The following GBE1 variants were observed in gnomAD, a reference collection of about 807,000 sequenced individuals.
The protein encoded by GBE1 is 1,4-alpha-glucan-branching enzyme.
Under a neutral mutation model 88.8 loss-of-function variants are expected in GBE1, and 70 were observed. The ratio of observed to expected loss-of-function variants is 0.79; its 90% CI spans 0.65 to 0.96. GBE1 has a LOEUF of 0.96. GBE1 is among the 40% of genes least tolerant of loss of function. The probability of loss-of-function intolerance (pLI) is 0.00; values close to 1 mark genes in which losing one functional copy is unlikely to be tolerated. For missense variants in GBE1, 872 were observed against 871.0 expected, an observed-to-expected ratio of 1.00 and a Z score of -0.01; for synonymous variants, 284 against 300.1, an observed-to-expected ratio of 0.95 and a Z score of 0.56.
chr3:81,513,089 A>G (rs1702747310), intron 14 of GBE1, among the ~76,000 whole-genome samples: 1 of 151,680 alleles, frequency 6.6e-6, no homozygotes, highest in Non-Finnish European at 1.5e-5. Context: ...TGCTTGGTGA[A>G]TAGGGCATAG....
chr3:81,694,676 T>C (rs983944474), intron 2 of GBE1, among the ~76,000 whole-genome samples: 1 of 152,098 alleles, frequency 6.6e-6, no homozygotes, highest in African/African-American at 2.4e-5. Flanking sequence ...AATATTGAAT[T>C]TGGTAAGAGC....
At chr3:81,703,633 TAC>T (rs1705733041) in intron 2 of GBE1, among the ~76,000 whole-genome samples, 1 of 152,022 alleles carries the variant, frequency 6.6e-6, no homozygotes, top group South Asian at 2.1e-4. Flanking sequence ...TATATGAACA[TAC>T]TTTTAAACTG....
chr3:81,596,866 G>A (rs1703963519), intron 7 of GBE1, among the ~76,000 whole-genome samples: 1 of 151,924 alleles, frequency 6.6e-6, no homozygotes, highest in South Asian at 2.1e-4. Flanking sequence ...TCTAAGATTT[G>A]TCTTTGAAAT....
intron 14 of GBE1, among the ~76,000 whole-genome samples, chr3:81,506,031 G>A (rs764283200): frequency 1.3e-5 from 2 of 151,948 alleles, no homozygotes; most frequent in South Asian, 2.1e-4. Context: ...ATTTCATGAC[G>A]AAGACACTAA....
intron 3 of GBE1, among the ~76,000 whole-genome samples, chr3:81,655,542 GT>G (rs1486363649): frequency 4.5e-4 from 68 of 151,998 alleles, no homozygotes; most frequent in African/African-American, 1.6e-3. Context: ...TTGTTATGGA[GT>G]TTTACTCTTG....
intron 14 of GBE1, among the ~76,000 whole-genome samples, chr3:81,499,800 T>G (rs982498821): frequency 1.5e-4 from 23 of 152,160 alleles, no homozygotes; most frequent in African/African-American, 5.3e-4. Context: ...TTTTTCACAA[T>G]AAGTTGTTAG....
intron 3 of GBE1, among the ~76,000 whole-genome samples, chr3:81,667,462 G>A (rs148206763): frequency 2.6e-5 from 4 of 152,024 alleles, no homozygotes; most frequent in Admixed American, 1.3e-4. Context: ...GATTGCCCTG[G>A]CCAGAAGTTC....
Position 81,535,197 on chromosome 3 carries a change from C to T in GBE1, c.1932G>A (p.Gly644=), listed in dbSNP as rs544906178. The T allele has an allele frequency of 2.4e-5, 39 of 1,607,542 alleles. No homozygotes were observed. Among genetic ancestry groups the T allele is most frequent in the Non-Finnish European group, 3.3e-5 (39 of 1,177,284 alleles). Residue 644 remains glycine, a splice_region_variant and synonymous_variant, in exon 14 of 16, where the codon GGG becomes GGA. Transcript: ENST00000429644. The part of the protein sequence containing the change: ...TDYRVGTALP[G]KFKIVLDSDA... The stretch of plus-strand genomic sequence containing the variant: ...TTCACTGGTAACAAAAAGGATATTT[C>T]CCTGGCAATGCTGTTCCAACTCGGT...
At chr3:81,513,319 G>C (rs931261959) in intron 14 of GBE1, among the ~76,000 whole-genome samples, 2 of 151,714 alleles carry the variant, frequency 1.3e-5, no homozygotes, top group Non-Finnish European at 2.9e-5. Context: ...GTACAAGAGT[G>C]AGGAAGAGAT....
chr3:81,741,064 G>T (rs1706343312), intron 1 of GBE1, among the ~76,000 whole-genome samples: 1 of 152,048 alleles, frequency 6.6e-6, no homozygotes, highest in Non-Finnish European at 1.5e-5. Context: ...TATTTCCTGG[G>T]TTATAATTGA....
intron 12 of GBE1, among the ~76,000 whole-genome samples, chr3:81,571,021 T>A (rs1703566849): frequency 6.6e-6 from 1 of 152,156 alleles, no homozygotes; most frequent in Non-Finnish European, 1.5e-5. Flanking sequence ...ACTCAGGATC[T>A]AAAGTCTTCT....
At chr3:81,656,011 C>T (rs890032467) in intron 3 of GBE1, among the ~76,000 whole-genome samples, 3 of 152,102 alleles carry the variant, frequency 2.0e-5, no homozygotes, top group Admixed American at 6.5e-5. Flanking sequence ...AAAACAGGAC[C>T]TATTTGTATA....
intron 15 of GBE1, among the ~76,000 whole-genome samples, chr3:81,492,647 TTC>T (rs1477716488): frequency 6.6e-6 from 1 of 151,880 alleles, no homozygotes; most frequent in Non-Finnish European, 1.5e-5. Flanking sequence ...CTTCCTTTCT[TTC>T]TTTTTCTTTC....
intron 2 of GBE1, among the ~76,000 whole-genome samples, chr3:81,698,332 TG>T (rs1705633737): frequency 6.6e-6 from 1 of 152,076 alleles, no homozygotes; most frequent in South Asian, 2.1e-4. Flanking sequence ...TCGCCCATCT[TG>T]TCACATAAAA....
At chr3:81,575,360 A>G (rs2106930031) in intron 12 of GBE1, among the ~76,000 whole-genome samples, 1 of 152,304 alleles carries the variant, frequency 6.6e-6, no homozygotes, top group East Asian at 1.9e-4. Flanking sequence ...AGCTATAACC[A>G]GAGTGAAAGA....
At chr3:81,711,855 G>A (rs200130014) in intron 1 of GBE1, among the ~76,000 whole-genome samples, 6,274 of 151,786 alleles carry the variant, frequency 0.041, 436 homozygotes, top group East Asian at 0.34. Context: ...AACTACCATT[G>A]AAGTGAACAG....
chr3:81,570,690 T>C (rs1703562626), intron 12 of GBE1, among the ~76,000 whole-genome samples: 3 of 152,154 alleles, frequency 2.0e-5, no homozygotes, highest in Admixed American at 1.3e-4. Context: ...TCATAAAGGA[T>C]GTTATAGGCC....
At position 81,599,827 on chromosome 3, in the gene GBE1, T is replaced by C. The variant is rs574896247; in HGVS notation, c.993-5804A>G. On this transcript the variant is annotated intron_variant, in intron 7 of 15. Coordinates refer to ENST00000429644, the MANE Select transcript of GBE1 (RefSeq NM_000158.4). The stretch of plus-strand genomic sequence containing the variant: ...GGCAGTGACTTGAACATAGGTAATA[T>C]ACATCATGACAAATGTCATATTAAT... 1.5e-4 allele frequency among the ~76,000 whole-genome samples: 23 copies of C among 152,324 alleles called. No individual in the cohort carries two copies. In the East Asian group the frequency reaches 4.4e-3, roughly 29 times the overall value.
chr3:81,565,315 C>T (rs1209790264), intron 12 of GBE1, among the ~76,000 whole-genome samples: 1 of 152,146 alleles, frequency 6.6e-6, no homozygotes, highest in Non-Finnish European at 1.5e-5. Context: ...TCCCACTGTT[C>T]AGGAGAGTGT....
Sources: gnomAD v4.1 joint callset for allele counts (sites outside exome capture counted in the v4.1 genomes callset) on GRCh38, gnomAD v4.1.1 for gene constraint, MANE v1.5 for transcripts, NCBI Gene and HGNC (gene_info 2026-07-23, HGNC 2026-07-21) for gene names.